Variants in TBXAS1 observed in about 807,000 individuals in gnomAD.
TBXAS1 encodes thromboxane-A synthase.
TBXAS1 carries 48 observed loss-of-function variants against 60.7 expected under a neutral mutation model. That is an observed-to-expected ratio of 0.79 (90% CI 0.63 to 1.01). TBXAS1 has a LOEUF of 1.01. Among genes scored for constraint, TBXAS1 ranks in the 50% least tolerant of loss-of-function variants. The pLI, the probability that TBXAS1 is intolerant of heterozygous loss-of-function variation, is 0.00. For missense variants in TBXAS1, 685 were observed against 686.3 expected (o/e 1.00, Z 0.02); for synonymous variants, 287 against 269.7 (o/e 1.06, Z -0.63).
At chr7:139,926,687 CT>C (rs1277406818) in intron 4 of TBXAS1, among the ~76,000 whole-genome samples, 5 of 151,356 alleles carry the variant, frequency 3.3e-5, no homozygotes, top group Non-Finnish European at 5.9e-5. Context: ...TTAGCTCCTG[CT>C]TTTTTAGTTC....
intron 9 of TBXAS1, among the ~76,000 whole-genome samples, chr7:139,976,185 G>C (rs1257372229): frequency 1.3e-5 from 2 of 152,190 alleles, no homozygotes; most frequent in African/African-American, 4.8e-5. Context: ...AGCTACCTCT[G>C]CACAGAGGAG....
intron 5 of TBXAS1, among the ~76,000 whole-genome samples, chr7:139,938,310 C>A (rs1367485075): frequency 1.3e-5 from 2 of 152,164 alleles, no homozygotes. Context: ...CTGGGTCCCA[C>A]ACCTAGAAAT....
intron 3 of TBXAS1, among the ~76,000 whole-genome samples, chr7:139,885,329 G>A (rs1011859295): frequency 6.6e-6 from 1 of 152,178 alleles, no homozygotes; most frequent in Non-Finnish European, 1.5e-5. Flanking sequence ...TCTATTTTGA[G>A]CTAATATCTT....
chr7:139,949,550 G>C (rs1027266083), intron 5 of TBXAS1, among the ~76,000 whole-genome samples: 3 of 152,104 alleles, frequency 2.0e-5, no homozygotes, highest in Non-Finnish European at 4.4e-5. Flanking sequence ...TTGGAAGTTG[G>C]GGCCTAGAGA....
At position 139,805,704 on chromosome 7, in the gene TBXAS1, TTCTTTC is replaced by T. The variant is rs1569492497; in HGVS notation, c.-80+18280_-80+18285del. On this transcript the variant is annotated intron_variant, in intron 4 of 16. Transcript: ENST00000336425. ...TTTCTTTCTTTCTTTCTTTCTTTCT[TTCTTTC>T]TTTCTCTCTCTCTCTCTCTCTTTCT... Among the ~76,000 whole-genome samples the T allele has an allele frequency of 9.7e-4, 32 of 32,860 alleles. 1 individual carries two copies. The highest frequency in any genetic ancestry group is 3.6e-3 in the African/African-American group (30 of 8,282). 21.6% of individuals were successfully genotyped at this position (32,860 alleles called of 152,430 possible). A position where few individuals can be genotyped will look rare whatever the true frequency, so the allele number is the denominator to read the frequency against.
In TBXAS1 at chr7:139,988,887, C is replaced by A. The variant is rs75358279; in HGVS notation, c.1135-18204C>A. 6.4e-3 allele frequency among the ~76,000 whole-genome samples: 979 copies of A among 152,310 alleles called. 7 individuals carry two copies. Among genetic ancestry groups the A allele is most frequent in the African/African-American group, 0.021 (875 of 41,564 alleles). On this transcript the variant is annotated intron_variant, in intron 9 of 12. Coordinates refer to ENST00000448866, the MANE Select transcript of TBXAS1 (RefSeq NM_001061.7). ...TGGCGGGAGCAGGAACACTCTTGCT[C>A]AGGGTGCTGTGCGATGGGCCATTGG...
At chr7:139,946,128 T>A (rs915634210) in intron 5 of TBXAS1, among the ~76,000 whole-genome samples, 2 of 151,378 alleles carry the variant, frequency 1.3e-5, no homozygotes, top group Non-Finnish European at 2.9e-5. Context: ...AACCCAGGAG[T>A]TCAAGACCAA....
At chr7:140,000,988 C>T (rs745923635) in intron 9 of TBXAS1, among the ~76,000 whole-genome samples, 11 of 152,206 alleles carry the variant, frequency 7.2e-5, no homozygotes, top group Non-Finnish European at 8.8e-5. Flanking sequence ...GCATTACAGA[C>T]GAGGGGTCCT....
At chr7:139,976,175 A>C (rs1243989564) in intron 9 of TBXAS1, among the ~76,000 whole-genome samples, 1 of 152,192 alleles carries the variant, frequency 6.6e-6, no homozygotes, top group Non-Finnish European at 1.5e-5. Context: ...TCATTGCCAG[A>C]GCTACCTCTG....
chr7:139,991,780 A>G (rs1372977199), intron 9 of TBXAS1, among the ~76,000 whole-genome samples: 1 of 152,252 alleles, frequency 6.6e-6, no homozygotes, highest in East Asian at 1.9e-4. Flanking sequence ...AGCAGAGATA[A>G]GAAAACCAAA....
chr7:139,923,643 A>AT (rs1806663167), intron 4 of TBXAS1, among the ~76,000 whole-genome samples: 4 of 151,950 alleles, frequency 2.6e-5, no homozygotes, highest in Admixed American at 2.0e-4. Flanking sequence ...ATAATCATTT[A>AT]TTTTTTTGCC....
intron 3 of TBXAS1, among the ~76,000 whole-genome samples, chr7:139,889,938 CAGAGGATCAGG>C (rs567336675): frequency 5.9e-4 from 90 of 152,246 alleles, no homozygotes; most frequent in African/African-American, 2.0e-3. Flanking sequence ...ATGAAGCACT[CAGAGGATCAGG>C]AAGCTGCATT....
At chr7:139,839,140 G>T (rs2116555188) in intron 1 of TBXAS1, among the ~76,000 whole-genome samples, 1 of 152,278 alleles carries the variant, frequency 6.6e-6, no homozygotes, top group South Asian at 2.1e-4. Context: ...TAAAGAAATA[G>T]CCCAGATAGC....
At chr7:139,782,611 G>A (rs1157223927) in intron 2 of TBXAS1, 1 of 152,212 alleles carries the variant, frequency 6.6e-6, no homozygotes, top group African/African-American at 2.4e-5. Flanking sequence ...CATGATGTCT[G>A]TGTGGCTTGT....
intron 9 of TBXAS1, chr7:139,962,526 G>A (rs1045894213): frequency 7.7e-6 from 3 of 390,024 alleles, no homozygotes; most frequent in East Asian, 6.1e-5. Flanking sequence ...AAGGTGTCAG[G>A]CCCAAAGGGC....
intron 3 of TBXAS1, among the ~76,000 whole-genome samples, chr7:139,906,534 A>C (rs1311112417): frequency 6.6e-6 from 1 of 151,944 alleles, no homozygotes; most frequent in East Asian, 1.9e-4. Flanking sequence ...GACTACAGCC[A>C]AGTTTTGGGA....
chr7:139,879,580 T>G (rs1427316037), intron 3 of TBXAS1, among the ~76,000 whole-genome samples: 2 of 152,122 alleles, frequency 1.3e-5, no homozygotes, highest in Admixed American at 6.5e-5. Context: ...CATTGGTGAT[T>G]GAATATGGTT....
chr7:139,803,039 G>A (rs1732685082), intron 4 of TBXAS1, among the ~76,000 whole-genome samples: 1 of 152,194 alleles, frequency 6.6e-6, no homozygotes, highest in Admixed American at 6.5e-5. Flanking sequence ...AATTGGTACT[G>A]GTAAAGTGGG....
At chr7:139,913,040 C>T (rs973088551) in intron 4 of TBXAS1, 1 of 688,968 alleles carries the variant, frequency 1.5e-6, no homozygotes, top group African/African-American at 1.8e-5. Flanking sequence ...GGCCACTCAC[C>T]CAAAATTTGC....
Sources: gnomAD v4.1 joint callset for allele counts (sites outside exome capture counted in the v4.1 genomes callset) on GRCh38, gnomAD v4.1.1 for gene constraint, MANE v1.5 for transcripts, NCBI Gene and HGNC (gene_info 2026-07-23, HGNC 2026-07-21) for gene names.